The following ATP13A3 variants were observed in gnomAD, a reference collection of about 807,000 sequenced individuals.
ATP13A3 encodes the protein ATPase 13A3.
ATP13A3 carries 59 observed loss-of-function variants against 158.1 expected under a neutral mutation model. The observed-to-expected ratio is 0.37, with a 90% CI of 0.30 to 0.46. The LOEUF (loss-of-function observed/expected upper bound fraction) is 0.46. Ranked by LOEUF, ATP13A3 falls within the 20% of genes least tolerant of loss-of-function variation. The pLI is 1.00. For synonymous variants in ATP13A3, 491 were observed against 504.3 expected (o/e 0.97, Z 0.35); for missense variants, 1,166 against 1,525.2 (o/e 0.76, Z 3.92).
chr3:194,455,169 A>G (rs1265364171), intron 8 of ATP13A3, among the ~76,000 whole-genome samples: 1 of 152,236 alleles, frequency 6.6e-6, no homozygotes, highest in Non-Finnish European at 1.5e-5. Context: ...ATATGAGTTA[A>G]TGGGTTATGT....
At chr3:194,429,932 A>G (rs1717095345) in intron 26 of ATP13A3, 140 bp downstream of exon 26, 1 of 954,924 alleles carries the variant, frequency 1.0e-6, no homozygotes, top group Non-Finnish European at 1.6e-6. Context: ...GTAGCAATCA[A>G]TCTGTTACTA....
intron 2 of ATP13A3, among the ~76,000 whole-genome samples, chr3:194,480,859 G>A (rs139546708): frequency 7.9e-4 from 120 of 152,236 alleles, no homozygotes; most frequent in African/African-American, 2.8e-3. Flanking sequence ...CTATAAATCC[G>A]CTATGCTCAG....
intron 33 of ATP13A3, among the ~76,000 whole-genome samples, chr3:194,410,296 CAAAAAA>C (rs772008929): frequency 4.8e-3 from 104 of 21,782 alleles, no homozygotes; most frequent in Non-Finnish European, 6.9e-3. Context: ...CTCCTCTCTG[CAAAAAA>C]AAAAAAAAAA....
At chr3:194,422,226 A>G (rs1716442422) in intron 30 of ATP13A3, among the ~76,000 whole-genome samples, 1 of 152,226 alleles carries the variant, frequency 6.6e-6, no homozygotes, top group Non-Finnish European at 1.5e-5. Context: ...AAAATCAGTA[A>G]GGATTTCAAC....
intron 13 of ATP13A3, 98 bp from the exon 14 acceptor site, chr3:194,447,213 G>A: frequency 1.9e-6 from 2 of 1,029,220 alleles, no homozygotes; most frequent in Non-Finnish European, 1.4e-6. Flanking sequence ...ATTTTCAATT[G>A]TATATTTCAA....
chr3:194,411,483 T>C (rs1057512191), intron 33 of ATP13A3, among the ~76,000 whole-genome samples: 2 of 152,184 alleles, frequency 1.3e-5, no homozygotes, highest in Non-Finnish European at 2.9e-5. Context: ...ATAAGTCCAA[T>C]CTGTATCTGT....
intron 33 of ATP13A3, among the ~76,000 whole-genome samples, chr3:194,406,618 C>T (rs1714955030): frequency 6.6e-6 from 1 of 152,110 alleles, no homozygotes; most frequent in Admixed American, 6.5e-5. Flanking sequence ...AAAGAGAAAA[C>T]ATTTTTAATA....
At chr3:194,468,227 T>C (rs1720110110) in intron 2 of ATP13A3, 1 of 152,120 alleles carries the variant, frequency 6.6e-6, no homozygotes, top group Non-Finnish European at 1.5e-5. Context: ...AGAGCTCCTA[T>C]TATTTGAATA....
intron 2 of ATP13A3, among the ~76,000 whole-genome samples, chr3:194,468,398 A>AC (rs1281148591): frequency 6.7e-6 from 1 of 150,030 alleles, no homozygotes; most frequent in East Asian, 1.9e-4. Flanking sequence ...AAAAAAAAAA[A>AC]AAAAAAACAG....
intron 33 of ATP13A3, among the ~76,000 whole-genome samples, chr3:194,408,280 A>G (rs1481503110): frequency 6.6e-6 from 1 of 152,190 alleles, no homozygotes; most frequent in Non-Finnish European, 1.5e-5. Context: ...AGCCTCCCAA[A>G]GTGCTGGTGG....
intron 33 of ATP13A3, among the ~76,000 whole-genome samples, chr3:194,411,560 C>G (rs539752548): frequency 1.3e-5 from 2 of 152,300 alleles, no homozygotes; most frequent in South Asian, 4.1e-4. Flanking sequence ...TCTCTTCTCT[C>G]TTTACCACAG....
At chr3:194,457,251 C>A in intron 6 of ATP13A3, 77 bp from the exon 7 acceptor site, 1 of 1,079,782 alleles carries the variant, frequency 9.3e-7, no homozygotes, top group Admixed American at 1.9e-5. Flanking sequence ...TTTCTATATG[C>A]CTGATTTTAT....
intron 15 of ATP13A3, among the ~76,000 whole-genome samples, chr3:194,441,824 G>A (rs1215988370): frequency 2.0e-5 from 3 of 152,216 alleles, no homozygotes; most frequent in Middle Eastern, 3.4e-3. Flanking sequence ...AGAGCTACAC[G>A]CCCTTGGGAA....
chr3:194,470,293 T>G (rs1203808024), intron 2 of ATP13A3, among the ~76,000 whole-genome samples: 1 of 152,216 alleles, frequency 6.6e-6, no homozygotes, highest in Non-Finnish European at 1.5e-5. Context: ...TACTTTTTTG[T>G]ATGTTACAAA....
At chr3:194,424,536 C>T (rs1716618519) in intron 30 of ATP13A3, 1 of 152,152 alleles carries the variant, frequency 6.6e-6, no homozygotes, top group African/African-American at 2.4e-5. Context: ...ATTCCTATGA[C>T]ATACCGATAC....
At chr3:194,461,968 A>G (rs1195065454) in intron 3 of ATP13A3, among the ~76,000 whole-genome samples, 172 bp downstream of exon 3, 1 of 152,264 alleles carries the variant, frequency 6.6e-6, no homozygotes, top group African/African-American at 2.4e-5. Context: ...TACTAAAAGC[A>G]ACTAATAGAC....
At chr3:194,480,103 A>C (rs1469846772) in intron 2 of ATP13A3, among the ~76,000 whole-genome samples, 1 of 152,206 alleles carries the variant, frequency 6.6e-6, no homozygotes, top group Non-Finnish European at 1.5e-5. Context: ...GAATATCTTC[A>C]ATGTTACTAA....
At chr3:194,415,661 C>CTGTTTTTTTTT (rs1208643552) in intron 31 of ATP13A3, among the ~76,000 whole-genome samples, 1 of 90,928 alleles carries the variant, frequency 1.1e-5, no homozygotes, top group East Asian at 3.2e-4. Flanking sequence ...ATACCACATT[C>CTGTTTTTTTTT]TTTTTTTTTT....
Position 194,406,082 on chromosome 3 carries a change from G to C in ATP13A3, c.3608C>G (p.Pro1203Arg), listed in dbSNP as rs771848775. Residue 1203 changes from proline to arginine, a missense_variant, in exon 34 of 34, where the codon CCC becomes CGC. Physicochemically the swap from Pro to Arg is moderately radical, Grantham distance 103. Around this residue, in one of 3 missense-constraint regions of ATP13A3, gnomAD observed 997 missense variants for 1,341.2 expected, o/e 0.74. Transcript: ENST00000645319. ...CTTCTTTCTACAGCCCAGGGCCCAG[G>C]GTAAGCAGCATTTTCCCCACCGATC... ...SVDRWGKCCL[P>R]WALGCRKKTP... 2.2e-5 allele frequency: 35 copies of C among 1,613,908 alleles called. 1 individual carries two copies. In the South Asian group the frequency reaches 3.5e-4, roughly 16 times the overall value.
Sources: allele counts gnomAD v4.1 joint callset (sites outside exome capture counted in the v4.1 genomes callset), GRCh38; gene constraint gnomAD v4.1.1; regional missense constraint gnomAD v4.1.1; transcripts MANE v1.5; gene names NCBI Gene and HGNC (gene_info 2026-07-23, HGNC 2026-07-21).